SUPT7L: variants seen among roughly 807,000 people sequenced by gnomAD.
SUPT7L encodes STAGA complex 65 subunit gamma.
SUPT7L carries 15 observed loss-of-function variants against 35.7 expected under a neutral mutation model. The observed-to-expected ratio is 0.42, with a 90% CI of 0.28 to 0.65. The LOEUF (loss-of-function observed/expected upper bound fraction) is 0.65. Among genes scored for constraint, SUPT7L ranks in the 30% least tolerant of loss-of-function variants. The pLI is 0.23. For missense variants in SUPT7L, 434 were observed against 522.2 expected (o/e 0.83, Z 1.65); for synonymous variants, 168 against 186.2 (o/e 0.90, Z 0.79).
chr2:27,661,506 G>C, intron 2 of SUPT7L, 118 bp from the exon 3 acceptor site: 1 of 1,511,258 alleles, frequency 6.6e-7, no homozygotes, highest in African/African-American at 1.4e-5. Context: ...TGAAAAATAC[G>C]AGGTCTAGCC....
chr2:27,649,027 T>G (rs1674379143), downstream of SUPT7L, among the ~76,000 whole-genome samples: 1 of 151,546 alleles, frequency 6.6e-6, no homozygotes, highest in African/African-American at 2.4e-5. Flanking sequence ...GCGGATCACC[T>G]GAGGCCAGGA....
chr2:27,646,404 G>C (rs773302982), downstream of SUPT7L, among the ~76,000 whole-genome samples: 3 of 152,142 alleles, frequency 2.0e-5, no homozygotes, highest in Non-Finnish European at 2.9e-5. Flanking sequence ...GGGATTTTCT[G>C]GACCGTTACA....
At position 27,657,709 on chromosome 2, in the gene SUPT7L, A is replaced by C. The variant is rs1053475665; in HGVS notation, c.420-40T>G. On this transcript the variant is annotated intron_variant, in intron 3 of 5. Coordinates refer to ENST00000337768, the MANE Select transcript of SUPT7L (RefSeq NM_014860.3). The surrounding 1 kb of genome is among the most constrained non-coding windows in gnomAD (Gnocchi z 5.2). ...ACGGTGGTGTTATTAATGTTCTTGC[A>C]AAGGGGTGACCCCTCCTGTCTTCCC... 20 of 1,565,194 alleles carry C rather than the reference A, an allele frequency of 1.3e-5. No homozygotes were observed. Among genetic ancestry groups the C allele is most frequent in the Non-Finnish European group, 1.6e-5 (18 of 1,152,252 alleles).
rs1674594973 is a variant in SUPT7L at position 27,652,297 on chromosome 2, G to A, written c.*1188C>T. 1 of 152,278 alleles carries A rather than the reference G, an allele frequency of 6.6e-6. No homozygotes were observed. Among genetic ancestry groups the A allele is most frequent in the African/African-American group, 2.4e-5 (1 of 41,414 alleles). 9.4% of individuals were successfully genotyped at this position (152,278 alleles called of 1,614,324 possible). On this transcript the variant is annotated 3_prime_UTR_variant, in exon 6 of 6. Transcript: ENST00000337768. ...TCATATTCATTTATTCTCAATACCT[G>A]GGACATTTAAGGCATTCAATAATGA...
At chr2:27,658,069 A>G (rs960422553) in intron 3 of SUPT7L, among the ~76,000 whole-genome samples, 6 of 152,242 alleles carry the variant, frequency 3.9e-5, no homozygotes, top group Non-Finnish European at 7.3e-5. Flanking sequence ...TGGGCAATAT[A>G]TTAATACAAA....
intron 4 of SUPT7L, among the ~76,000 whole-genome samples, chr2:27,655,888 T>C (rs886757709): frequency 3.9e-5 from 6 of 152,138 alleles, no homozygotes; most frequent in African/African-American, 7.2e-5. Flanking sequence ...TTTTTGGCTA[T>C]AAAAATTAAC....
At chr2:27,659,151 A>G (rs1338439943) in intron 3 of SUPT7L, among the ~76,000 whole-genome samples, 1 of 152,210 alleles carries the variant, frequency 6.6e-6, no homozygotes, top group Admixed American at 6.5e-5. Context: ...CTATGCTAGC[A>G]TATGCTGTGC....
downstream of SUPT7L, chr2:27,650,149 G>T: frequency 6.2e-7 from 1 of 1,608,636 alleles, no homozygotes; most frequent in South Asian, 1.1e-5. Flanking sequence ...CAGCATTCCA[G>T]AATTTTATGC....
the SUPT7L span, among the ~76,000 whole-genome samples, chr2:27,645,333 AT>A: frequency 6.6e-6 from 1 of 151,908 alleles, no homozygotes; most frequent in South Asian, 2.1e-4. Flanking sequence ...TGCCTGTACC[AT>A]GTTGTTTTAA....
chr2:27,650,690 G>C (rs1281103110), downstream of SUPT7L: 2 of 153,378 alleles, frequency 1.3e-5, no homozygotes, highest in African/African-American at 4.8e-5. Context: ...CGGTGGCAGA[G>C]TCTCCTTGGC....
At chr2:27,659,033 GCAT>G (rs575546608) in intron 3 of SUPT7L, among the ~76,000 whole-genome samples, 83 of 152,224 alleles carry the variant, frequency 5.5e-4, no homozygotes, top group Middle Eastern at 3.4e-3. Flanking sequence ...TGAATAAACA[GCAT>G]CAATTTAATA....
At chr2:27,660,792 T>C (rs964444590) in intron 3 of SUPT7L, among the ~76,000 whole-genome samples, 192 bp downstream of exon 3, 3 of 152,122 alleles carry the variant, frequency 2.0e-5, no homozygotes, top group Admixed American at 2.0e-4. Flanking sequence ...AATTAAAAAA[T>C]ACAGACCCTG....
At position 27,657,237 on chromosome 2, in the gene SUPT7L, G is replaced by C. The variant is rs953661218; in HGVS notation, c.744+108C>G. 3 of 1,234,080 alleles carry C rather than the reference G, an allele frequency of 2.4e-6. No homozygotes were observed. Among genetic ancestry groups the C allele is most frequent in the Non-Finnish European group, 3.4e-6 (3 of 891,684 alleles). 76.4% of individuals were successfully genotyped at this position (1,234,080 alleles called of 1,614,324 possible). ...CATAAAAGTATGTTAAGTTCACTCT[G>C]TTCCAAGACTCTGTGCTCTGCACTC... On this transcript the variant is annotated intron_variant, in intron 4 of 5. Coordinates refer to ENST00000337768, the MANE Select transcript of SUPT7L (RefSeq NM_014860.3). This position sits in a 1 kb window ranked among gnomAD's most constrained non-coding sequence, Gnocchi z 5.2.
In SUPT7L at chr2:27,661,018, T is replaced by C. The variant is rs1399050230; in HGVS notation, c.385A>G (p.Ile129Val). The C allele has an allele frequency of 1.2e-5, 20 of 1,613,972 alleles. No individual in the cohort carries two copies. Among genetic ancestry groups the C allele is most frequent in the Admixed American group, 3.3e-5 (2 of 59,986 alleles). Residue 129 changes from isoleucine (I) to valine (V), a missense_variant, in exon 3 of 6, where the codon ATC (isoleucine) becomes GTC (valine). Transcript: ENST00000337768. Reference protein sequence around the residue: ...DCKNPNAPFQIRHSDPESDFY... With the variant: ...DCKNPNAPFQVRHSDPESDFY... The stretch of plus-strand genomic sequence containing the variant: ...TCACTCTCTGGGTCACTGTGCCGGA[T>C]CTGGAATGGTGCATTGGGATTCTTA...
downstream of SUPT7L, among the ~76,000 whole-genome samples, chr2:27,648,675 G>T (rs1212718267): frequency 6.6e-6 from 1 of 152,128 alleles, no homozygotes; most frequent in Admixed American, 6.5e-5. Context: ...TTGCTTCATT[G>T]CCCAGGCTGG....
chr2:27,661,893 T>C, intron 2 of SUPT7L: 1 of 493,558 alleles, frequency 2.0e-6, no homozygotes, highest in South Asian at 2.3e-5. Flanking sequence ...GAAGTGGTTC[T>C]TACTCTGTGT....
intron 2 of SUPT7L, chr2:27,661,932 T>G (rs17006196): frequency 0.013 from 7,104 of 565,874 alleles, 398 homozygotes; most frequent in African/African-American, 0.12. Context: ...GTGGAAAAAT[T>G]TATGAACCAT....
intron 4 of SUPT7L, among the ~76,000 whole-genome samples, chr2:27,656,203 T>C (rs921960811): frequency 2.0e-5 from 3 of 152,126 alleles, no homozygotes; most frequent in Admixed American, 6.5e-5. Flanking sequence ...GAATAATCAA[T>C]GGTGTGGGAA....
At chr2:27,646,606 G>A (rs1674246154), downstream of SUPT7L, among the ~76,000 whole-genome samples, 1 of 151,822 alleles carries the variant, frequency 6.6e-6, no homozygotes, top group South Asian at 2.1e-4. Context: ...CTGCCCTCAA[G>A]ATTCAGATGC....
Sources: allele counts gnomAD v4.1 joint callset (sites outside exome capture counted in the v4.1 genomes callset), GRCh38; gene constraint gnomAD v4.1.1; non-coding constraint Gnocchi (gnomAD v3.1); transcripts MANE v1.5; gene names NCBI Gene and HGNC (gene_info 2026-07-23, HGNC 2026-07-21).